Variants in RECQL4 observed in about 807,000 individuals in gnomAD.
The protein encoded by RECQL4 is ATP-dependent DNA helicase Q4.
RECQL4 carries 158 observed loss-of-function variants against 128.6 expected under a neutral mutation model. That is an observed-to-expected ratio of 1.23 (90% CI 1.08 to 1.40). The LOEUF (loss-of-function observed/expected upper bound fraction) is 1.40, where lower values mean the gene tolerates loss of function less well. RECQL4 is among the 40% of genes most tolerant of loss of function. RECQL4 has a pLI of 0.00. For synonymous variants in RECQL4, 996 were observed against 678.9 expected (o/e 1.47, Z -7.26); for missense variants, 2,293 against 1,649.8 (o/e 1.39, Z -6.75).
At position 144,512,143 on chromosome 8, in the gene RECQL4, C is replaced by T. The variant is rs1327061374; in HGVS notation, c.3236+1G>A. ...CCAGGCCCCGCCCGCCTCCTCCCAA[C>T]CTGTGAAAGGCCTGGAAGGTTCTGC... On this transcript the variant is annotated splice_donor_variant, in intron 18 of 20. Transcript: ENST00000617875. LOFTEE classifies it high-confidence loss of function. The T allele has an allele frequency of 1.2e-6, 2 of 1,606,242 alleles. No individual in the cohort carries two copies. The highest frequency in any genetic ancestry group is 2.2e-5 in the East Asian group (1 of 44,716).
At chr8:144,516,902 G>A (rs1815165048) in intron 4 of RECQL4, 138 bp from the exon 5 acceptor site, 7 of 1,388,984 alleles carry the variant, frequency 5.0e-6, no homozygotes, top group Non-Finnish European at 5.8e-6. Flanking sequence ...GGAGTCAAGG[G>A]CGAAGGCCCC....
At position 144,517,425 on chromosome 8, in the gene RECQL4, C is replaced by G. The variant is rs1222240717; in HGVS notation, c.202G>C (p.Ala68Pro). ...GLRSSESLPA[A>P]AEEAPEPRCW... ...CGGGGCCTGGGTACCTCTTCGGCCG[C>G]CGCGGGGAGCGACTCGGAGCTGCGG... The change falls in exon 3 of 21, where the codon GCG (alanine) becomes CCG (proline). Residue 68 changes from alanine to proline, a missense_variant. Transcript: ENST00000617875. 6.3e-7 allele frequency: 1 copy of G among 1,577,450 alleles called. No homozygotes were observed. Among genetic ancestry groups the G allele is most frequent in the African/African-American group, 1.3e-5 (1 of 74,396 alleles).
rs587778650 is a variant in RECQL4 at position 144,517,097 on chromosome 8, G to A, written c.307C>T (p.Pro103Ser). ...GCCTTGAGCCGCTGCCCGTAGTCCGGCACCGAGCCCTGGCGGCTCCGCCCT... is the reference window on the plus strand; with the variant it reads ...GCCTTGAGCCGCTGCCCGTAGTCCGACACCGAGCCCTGGCGGCTCCGCCCT... ...TPGRSRQGSV[P>S]DYGQRLKANL... Residue 103 changes from proline (P) to serine (S), a missense_variant, in exon 4 of 21, where the codon CCG becomes TCG. Pro to Ser is a moderately conservative substitution (Grantham distance 74). Coordinates refer to ENST00000617875, the MANE Select transcript of RECQL4 (RefSeq NM_004260.4). 1.2e-6 allele frequency: 2 copies of A among 1,612,442 alleles called. No homozygotes were observed. Among genetic ancestry groups the A allele is most frequent in the East Asian group, 2.2e-5 (1 of 44,878 alleles).
Position 144,517,816 on chromosome 8 carries a change from C to A in RECQL4, c.-32G>T. The A allele has an allele frequency of 1.7e-6, 2 of 1,194,822 alleles. No homozygotes were observed. The highest frequency in any genetic ancestry group is 3.8e-5 in the East Asian group (1 of 26,054). The allele number at this position is 1,194,822 out of a possible 1,614,324, so 74.0% of individuals were successfully genotyped here. A position where few individuals can be genotyped will look rare whatever the true frequency, so the allele number is the denominator to read the frequency against. On this transcript the variant is annotated 5_prime_UTR_variant, in exon 1 of 21. Coordinates refer to ENST00000617875, the MANE Select transcript of RECQL4 (RefSeq NM_004260.4). ...CGCGCCCGCCCGGCCTCCGCGCTTG[C>A]GATCGTCCAGCGAATCTCCCGCGCA...
chr8:144,513,123 C>G lies in RECQL4; in HGVS notation c.2479G>C (p.Glu827Gln). ...TCGGCGTGCACATGTCTGCGCAGCT[C>G]TCGCAGGTCTTCGCCCTGCAGGGCA... The part of the protein sequence containing the change: ...FLQPQGEDLR[E>Q]LRRHVHADST... The change falls in exon 15 of 21, where the codon GAG becomes CAG. Residue 827 changes from glutamate to glutamine, a missense_variant. Glu to Gln is a conservative substitution (Grantham distance 29, BLOSUM62 2). Transcript: ENST00000617875. The G allele has an allele frequency of 6.4e-7, 1 of 1,566,102 alleles. No individual in the cohort carries two copies. Among genetic ancestry groups the G allele is most frequent in the Non-Finnish European group, 8.7e-7 (1 of 1,153,876 alleles).
rs1481579348 is a variant in RECQL4, at chr8:144,516,652, C to T, written c.467G>A (p.Ser156Asn). The T allele has an allele frequency of 1.2e-6, 2 of 1,603,390 alleles. No individual in the cohort carries two copies. Among genetic ancestry groups the T allele is most frequent in the African/African-American group, 2.7e-5 (2 of 74,528 alleles). ...GPVPSFAEKV[S>N]DEPPQLPEPQ... ...CTCAGGGAGCTGTGGAGGCTCATCA[C>T]TGACTTTTTCTGCAAAGGAGGGGAC... is the stretch of plus-strand genomic sequence containing the variant. The change falls in exon 5 of 21, where the codon AGT becomes AAT. Residue 156 changes from serine to asparagine, a missense_variant. Coordinates refer to ENST00000617875, the MANE Select transcript of RECQL4 (RefSeq NM_004260.4).
Position 144,512,752 on chromosome 8 carries a change from G to C in RECQL4, c.2775C>G (p.Cys925Trp), listed in dbSNP as rs376838923. 3.7e-6 allele frequency: 6 copies of C among 1,612,022 alleles called. No homozygotes were observed. Among genetic ancestry groups the C allele is most frequent in the Middle Eastern group, 1.6e-4 (1 of 6,062 alleles). ...MPEEAIETLL[C>W]YLELHPHHWL... ...AGTGGTGTGGGTGCAGCTCCAGGTA[G>C]CACAGCAAAGTCTCGATGGCTGGGG... Residue 925 changes from cysteine to tryptophan, a missense_variant, in exon 16 of 21, where the codon TGC becomes TGG. Physicochemically the swap from Cys to Trp is radical, Grantham distance 215. Transcript: ENST00000617875.
chr8:144,517,576 CCCCCGCCG>C lies in RECQL4; in HGVS notation c.118+18_118+25del, dbSNP rs1815391675. ...CCCCTGCCGACCCGGTGTCTTCTCG[CCCCCGCCG>C]CCCCGCCGCGCGCTCACCGCGGGTC... is the stretch of plus-strand genomic sequence containing the variant. On this transcript the variant is annotated intron_variant, in intron 2 of 20. Transcript: ENST00000617875. The C allele has an allele frequency of 2.7e-6, 4 of 1,480,660 alleles. No individual in the cohort carries two copies. The highest frequency in any genetic ancestry group is 3.6e-6 in the Non-Finnish European group (4 of 1,124,552). 91.7% of individuals were successfully genotyped at this position (1,480,660 alleles called of 1,614,324 possible).
Position 144,516,072 on chromosome 8 carries a change from G to C in RECQL4, c.1047C>G (p.Asp349Glu), listed in dbSNP as rs766767449. The change falls in exon 5 of 21, where the codon GAC becomes GAG. Residue 349 changes from aspartate (D) to glutamate (E), a missense_variant. Transcript: ENST00000617875. ...TGTTGAGCCGTACGTAATTGCCCCT[G>C]TCATGGCGGGCCAGCCGAGGGAAGA... is the stretch of plus-strand genomic sequence containing the variant. ...LHIFPRLARH[D>E]RGNYVRLNMK... 6.2e-7 allele frequency: 1 copy of C among 1,612,654 alleles called. No individual in the cohort carries two copies. The highest frequency in any genetic ancestry group is 1.1e-5 in the South Asian group (1 of 91,090).
At position 144,513,948 on chromosome 8, in the gene RECQL4, T is replaced by C. The variant is rs1040931249; in HGVS notation, c.2038A>G (p.Met680Val). Residue 680 changes from methionine (M) to valine (V), a missense_variant, in exon 12 of 21, where the codon ATG (methionine) becomes GTG (valine). Met to Val is a conservative substitution (Grantham distance 21). Coordinates refer to ENST00000617875, the MANE Select transcript of RECQL4 (RefSeq NM_004260.4). ...CCCACCTGGTCTGTGTCCCTGTCCA[T>C]GGACACGGAAAGGTGCAGGTTGGTG... ...VPTNLHLSVS[M>V]DRDTDQALLT... 3 of 1,558,008 alleles carry C rather than the reference T, an allele frequency of 1.9e-6. No homozygotes were observed. Among genetic ancestry groups the C allele is most frequent in the African/African-American group, 1.4e-5 (1 of 73,174 alleles).
In RECQL4 at chr8:144,513,450, T is replaced by C. The variant is rs757576880; in HGVS notation, c.2231A>G (p.Tyr744Cys). 2 of 1,609,860 alleles carry C rather than the reference T, an allele frequency of 1.2e-6. No individual in the cohort carries two copies. The highest frequency in any genetic ancestry group is 8.5e-7 in the Non-Finnish European group (1 of 1,179,794). Residue 744 changes from tyrosine (Y) to cysteine (C), a missense_variant, in exon 14 of 21, where the codon TAC (tyrosine) becomes TGC (cysteine). Transcript: ENST00000617875. ...TTCCCGGCTGCACATGCCCGCGTGG[T>C]AGGCCTCGGCTGTGGTTTTGGGGGC... is the stretch of plus-strand genomic sequence containing the variant. ...GRAPKTTAEA[Y>C]HAGMCSRERR...
chr8:144,513,983 G>A lies in RECQL4; in HGVS notation c.2003C>T (p.Ala668Val). The A allele has an allele frequency of 1.3e-6, 2 of 1,565,270 alleles. No individual in the cohort carries two copies. Among genetic ancestry groups the A allele is most frequent in the South Asian group, 1.2e-5 (1 of 85,272 alleles). ...AAGGTGCAGGTTGGTGGGAACTGGG[G>A]CTGGCCCGTGGAGGTCAGGCTCTTC... ...VAEEPDLHGP[A>V]PVPTNLHLSV... The change falls in exon 12 of 21, where the codon GCC becomes GTC. Residue 668 changes from alanine to valine, a missense_variant. By Grantham distance (64) the Ala-to-Val change is moderately conservative (BLOSUM62 0). Transcript: ENST00000617875.
Position 144,513,713 on chromosome 8 carries a change from C to T in RECQL4, c.2059-1G>A, listed in dbSNP as rs386833849. 3.3e-6 allele frequency: 5 copies of T among 1,529,152 alleles called. No homozygotes were observed. The highest frequency in any genetic ancestry group is 4.4e-6 in the Non-Finnish European group (5 of 1,137,350). 94.7% of individuals were successfully genotyped at this position (1,529,152 alleles called of 1,614,324 possible). ...TGCCTTGCAGCAGCGTCAACAGTGC[C>T]TGATGAGGAGCGGTTGGCGTGGGCA... On this transcript the variant is annotated splice_acceptor_variant, in intron 12 of 20. Coordinates refer to ENST00000617875, the MANE Select transcript of RECQL4 (RefSeq NM_004260.4). LOFTEE classifies it high-confidence loss of function.
rs573929442 is a variant in RECQL4 at position 144,512,226 on chromosome 8, A to G, written c.3154T>C (p.Cys1052Arg). Residue 1052 changes from cysteine to arginine, a missense_variant, in exon 18 of 21, where the codon TGT (cysteine) becomes CGT (arginine). By Grantham distance (180) the Cys-to-Arg change is radical. Coordinates refer to ENST00000617875, the MANE Select transcript of RECQL4 (RefSeq NM_004260.4). ...DLTAEEKDQICDFLYGRVQAR... is the reference protein window; with the variant it reads ...DLTAEEKDQIRDFLYGRVQAR... ...TGCACACGGCCATAGAGGAAGTCAC[A>G]TATCTGGTCCTTCTCCTCAGCGGTC... 13 of 1,612,354 alleles carry G rather than the reference A, an allele frequency of 8.1e-6. No homozygotes were observed. The highest frequency in any genetic ancestry group is 1.7e-4 in the Middle Eastern group (1 of 6,060).
chr8:144,513,440 G>C lies in RECQL4; in HGVS notation c.2241C>G (p.Gly747=), dbSNP rs957407351. Residue 747 remains glycine (G), a synonymous_variant, in exon 14 of 21, where the codon GGC becomes GGG. Coordinates refer to ENST00000617875, the MANE Select transcript of RECQL4 (RefSeq NM_004260.4). ...PKTTAEAYHA[G]MCSRERRRVQ... is the part of the protein sequence containing the mutation. ...CCCGCCGCCGTTCCCGGCTGCACATGCCCGCGTGGTAGGCCTCGGCTGTGG... is the reference window on the plus strand; with the variant it reads ...CCCGCCGCCGTTCCCGGCTGCACATCCCCGCGTGGTAGGCCTCGGCTGTGG... 3.1e-6 allele frequency: 5 copies of C among 1,609,576 alleles called. No individual in the cohort carries two copies. Among genetic ancestry groups the C allele is most frequent in the Admixed American group, 1.7e-5 (1 of 59,968 alleles).
At chr8:144,515,593 A>G (rs1828040073) in intron 6 of RECQL4, 136 bp from the exon 7 acceptor site, 6 of 1,493,852 alleles carry the variant, frequency 4.0e-6, no homozygotes, top group Admixed American at 1.8e-5. Flanking sequence ...CAAAGCAGAA[A>G]AGAGTGACAG....
In RECQL4 at chr8:144,511,738, G is replaced by A. The variant is rs748732922; in HGVS notation, c.3445C>T (p.Leu1149=). The A allele has an allele frequency of 6.2e-7, 1 of 1,612,610 alleles. No individual in the cohort carries two copies. Among genetic ancestry groups the A allele is most frequent in the Non-Finnish European group, 8.5e-7 (1 of 1,179,832 alleles). The change falls in exon 20 of 21, where the codon CTG becomes TTG. Residue 1149 remains leucine, a synonymous_variant. Coordinates refer to ENST00000617875, the MANE Select transcript of RECQL4 (RefSeq NM_004260.4). ...CTGGAGAACTTCTCCTCTGGCCTCA[G>A]GGACAGGAACTGGCGGATGTCGCAG... ...VRCDIRQFLS[L]RPEEKFSSRA...
At position 144,514,370 on chromosome 8, in the gene RECQL4, C is replaced by T. The variant is rs2130697169; in HGVS notation, c.1705-8G>A. 6.3e-7 allele frequency: 1 copy of T among 1,599,322 alleles called. No homozygotes were observed. Among genetic ancestry groups the T allele is most frequent in the Non-Finnish European group, 8.5e-7 (1 of 1,170,548 alleles). ...TACCTGGGCTGCCCGAATCTGAAGG[C>T]AGCAAGATCAGAGGCACAGCCCAGG... On this transcript the variant is annotated splice_region_variant and splice_polypyrimidine_tract_variant and intron_variant, in intron 10 of 20. Coordinates refer to ENST00000617875, the MANE Select transcript of RECQL4 (RefSeq NM_004260.4).
At position 144,514,291 on chromosome 8, in the gene RECQL4, T is replaced by C. The variant is rs1025483401; in HGVS notation, c.1776A>G (p.Pro592=). Residue 592 remains proline (P), a synonymous_variant, in exon 11 of 21, where the codon CCA becomes CCG. Coordinates refer to ENST00000617875, the MANE Select transcript of RECQL4 (RefSeq NM_004260.4). ...EALVGAGGLP[P]AAQLPPVAFA... is the part of the protein sequence containing the mutation. ...AAGCAACTGGAGGCAGCTGTGCGGC[T>C]GGAGGGAGGCCTCCCGCCCCCACCA... is the stretch of plus-strand genomic sequence containing the variant. The C allele has an allele frequency of 6.2e-7, 1 of 1,611,206 alleles. No homozygotes were observed. Among genetic ancestry groups the C allele is most frequent in the Admixed American group, 1.7e-5 (1 of 59,908 alleles).
Sources: allele counts gnomAD v4.1 joint callset, GRCh38; gene constraint gnomAD v4.1.1; transcripts MANE v1.5; gene names NCBI Gene and HGNC (gene_info 2026-07-23, HGNC 2026-07-21).